ROR1: variants seen among roughly 807,000 people sequenced by gnomAD.
ROR1 encodes the protein ROR family WNT receptor 1.
A neutral mutation model predicts 78.8 loss-of-function variants in ROR1; 19 were observed. That is an observed-to-expected ratio of 0.24 (90% confidence interval 0.17 to 0.35). The LOEUF (loss-of-function observed/expected upper bound fraction) is 0.35. Ranked by LOEUF, ROR1 falls within the 10% of genes least tolerant of loss-of-function variation. ROR1 has a pLI of 1.00. For synonymous variants in ROR1, 386 were observed against 433.6 expected (o/e 0.89, Z 1.36); for missense variants, 917 against 1,177.8 (o/e 0.78, Z 3.24).
At chr1:63,802,809 C>T (rs1277978592) in intron 1 of ROR1, among the ~76,000 whole-genome samples, 1 of 152,192 alleles carries the variant, frequency 6.6e-6, no homozygotes, top group Non-Finnish European at 1.5e-5. Flanking sequence ...AGAGACAAAA[C>T]TCCTCTGGAC....
At chr1:64,157,111 A>C (rs1649797031) in intron 7 of ROR1, among the ~76,000 whole-genome samples, 1 of 152,202 alleles carries the variant, frequency 6.6e-6, no homozygotes, top group Non-Finnish European at 1.5e-5. Context: ...GCACCAGTAG[A>C]AAATATTTGA....
chr1:64,157,784 G>A (rs1649815342), intron 7 of ROR1, among the ~76,000 whole-genome samples: 1 of 152,176 alleles, frequency 6.6e-6, no homozygotes, highest in Non-Finnish European at 1.5e-5. Flanking sequence ...TAAGGGCAGA[G>A]GACATGTCAT....
At chr1:64,142,696 A>T in intron 7 of ROR1, 46 bp downstream of exon 7, 1 of 1,606,472 alleles carries the variant, frequency 6.2e-7, no homozygotes, top group Non-Finnish European at 8.5e-7. Context: ...ATCTTTAAAG[A>T]TCCCTATCCT....
chr1:64,058,749 G>A (rs1303132756), intron 4 of ROR1, among the ~76,000 whole-genome samples: 1 of 151,920 alleles, frequency 6.6e-6, no homozygotes. Flanking sequence ...GTATTTTGTT[G>A]AGGATTTTTG....
intron 4 of ROR1, among the ~76,000 whole-genome samples, chr1:64,112,853 G>A (rs912054859): frequency 5.3e-5 from 8 of 152,202 alleles, no homozygotes; most frequent in African/African-American, 1.2e-4. Context: ...CTCTTTTCCC[G>A]AATGCAAGAC....
intron 1 of ROR1, among the ~76,000 whole-genome samples, chr1:64,008,738 G>A (rs181127508): frequency 1.7e-3 from 261 of 152,158 alleles, no homozygotes; most frequent in African/African-American, 6.0e-3. Context: ...AGGTTCAAGC[G>A]ATTCTCCTGC....
chr1:64,093,191 T>C (rs542611570), intron 4 of ROR1, among the ~76,000 whole-genome samples: 2 of 152,316 alleles, frequency 1.3e-5, no homozygotes, highest in Admixed American at 1.3e-4. Flanking sequence ...GTTTGTTTTC[T>C]GGACAAGCTG....
intron 1 of ROR1, among the ~76,000 whole-genome samples, chr1:63,862,518 C>A (rs180824239): frequency 1.2e-4 from 19 of 152,078 alleles, no homozygotes; most frequent in Admixed American, 9.8e-4. Flanking sequence ...TTTCCCATAA[C>A]CCATCTGTTC....
rs2122915 is a variant in ROR1, at chr1:64,013,798, C to T, written c.163+4422C>T. On this transcript the variant is annotated intron_variant, in intron 2 of 8. Coordinates refer to ENST00000371079, the MANE Select transcript of ROR1 (RefSeq NM_005012.4). ...CCTTACCTCGGTGTATTGAAATTAT[C>T]TATTTCGTGCCTGCCTCTTTAAAGT... 6.8e-3 allele frequency among the ~76,000 whole-genome samples: 1,042 copies of T among 152,338 alleles called. 10 individuals carry two copies. Among genetic ancestry groups the T allele is most frequent in the African/African-American group, 0.024 (984 of 41,576 alleles).
At position 63,972,078 on chromosome 1, in the gene ROR1, A is replaced by G. The variant is rs189033155; in HGVS notation, c.92-37227A>G. Among the ~76,000 whole-genome samples, 429 of 152,232 alleles carry G rather than the reference A, an allele frequency of 2.8e-3. 1 individual carries two copies. The highest frequency in any genetic ancestry group is 8.4e-3 in the Admixed American group (129 of 15,298). ...AGATTAAAAGCCATTTCATTCCTGA[A>G]GTTTTTTCTTAGCACTCTACTGGCT... On this transcript the variant is annotated intron_variant, in intron 1 of 8. Transcript: ENST00000371079.
chr1:63,964,360 A>G (rs1646056960), intron 1 of ROR1, among the ~76,000 whole-genome samples: 1 of 152,192 alleles, frequency 6.6e-6, no homozygotes, highest in African/African-American at 2.4e-5. Flanking sequence ...CCTGGGATAA[A>G]TAAAATCAAT....
chr1:63,922,312 C>G (rs1375481715), intron 1 of ROR1, among the ~76,000 whole-genome samples: 1 of 152,194 alleles, frequency 6.6e-6, no homozygotes, highest in African/African-American at 2.4e-5. Flanking sequence ...ACCTAAAGCT[C>G]AGACAGGCTC....
At chr1:63,933,745 T>G (rs983085144) in intron 1 of ROR1, among the ~76,000 whole-genome samples, 1 of 152,208 alleles carries the variant, frequency 6.6e-6, no homozygotes, top group South Asian at 2.1e-4. Context: ...TTGGTGAAGT[T>G]GGGATCTGTA....
chr1:63,948,460 A>T (rs1332815960), intron 1 of ROR1, among the ~76,000 whole-genome samples: 1 of 151,990 alleles, frequency 6.6e-6, no homozygotes, highest in Non-Finnish European at 1.5e-5. Context: ...GGGAAATCTG[A>T]TACTTCCAGA....
At chr1:64,050,627 T>C (rs1347189332) in intron 3 of ROR1, 59 bp from the exon 4 acceptor site, 1 of 1,477,760 alleles carries the variant, frequency 6.8e-7, no homozygotes, top group Non-Finnish European at 9.5e-7. Flanking sequence ...ACTGTATCCA[T>C]ACTCACCCTC....
At chr1:63,853,480 G>A (rs973885750) in intron 1 of ROR1, among the ~76,000 whole-genome samples, 1 of 152,100 alleles carries the variant, frequency 6.6e-6, no homozygotes, top group African/African-American at 2.4e-5. Flanking sequence ...TTCAGATTTT[G>A]GATTTTTGGA....
At chr1:63,813,161 T>C (rs1414941349) in intron 1 of ROR1, among the ~76,000 whole-genome samples, 1 of 152,162 alleles carries the variant, frequency 6.6e-6, no homozygotes, top group Non-Finnish European at 1.5e-5. Flanking sequence ...TTTAAAAAAT[T>C]CTCTTCCTTA....
chr1:63,895,628 A>G (rs2100395174), intron 1 of ROR1, among the ~76,000 whole-genome samples: 1 of 152,266 alleles, frequency 6.6e-6, no homozygotes, highest in Non-Finnish European at 1.5e-5. Flanking sequence ...TCATTGATTC[A>G]CAGACTGGGC....
intron 1 of ROR1, among the ~76,000 whole-genome samples, chr1:63,872,652 G>A (rs4915933): frequency 0.055 from 8,415 of 152,274 alleles, 588 homozygotes; most frequent in African/African-American, 0.15. Context: ...ATTGGTTAGT[G>A]TGTGTTCTTG....
Sources: allele counts gnomAD v4.1 joint callset (sites outside exome capture counted in the v4.1 genomes callset), GRCh38; gene constraint gnomAD v4.1.1; transcripts MANE v1.5; gene names NCBI Gene and HGNC (gene_info 2026-07-23, HGNC 2026-07-21).